The following TRAF1 variants were observed in gnomAD, a reference collection of about 807,000 sequenced individuals.
TRAF1 encodes TNF receptor associated factor 1.
Under a neutral mutation model 40.9 loss-of-function variants are expected in TRAF1, and 23 were observed. The observed-to-expected ratio is 0.56, with a 90% confidence interval of 0.40 to 0.80. TRAF1 has a LOEUF of 0.80. TRAF1 is among the 30% of genes least tolerant of loss of function. The pLI, the probability that TRAF1 is intolerant of heterozygous loss-of-function variation, is 0.00. For missense variants in TRAF1, 477 were observed against 528.7 expected, an observed-to-expected ratio of 0.90 and a Z score of 0.96; for synonymous variants, 206 against 218.8, an observed-to-expected ratio of 0.94 and a Z score of 0.52.
chr9:120,916,664 C>A (rs1384923432), intron 3 of TRAF1, among the ~76,000 whole-genome samples: 1 of 152,046 alleles, frequency 6.6e-6, no homozygotes, highest in Non-Finnish European at 1.5e-5. Context: ...AGAACACAGC[C>A]CAGCAAAGGC....
At chr9:120,906,164 T>C (rs931106787) in intron 7 of TRAF1, among the ~76,000 whole-genome samples, 1 of 146,282 alleles carries the variant, frequency 6.8e-6, no homozygotes, top group African/African-American at 2.5e-5. Context: ...TCTATAAGAA[T>C]TATGGTGTGT....
intron 7 of TRAF1, among the ~76,000 whole-genome samples, chr9:120,908,294 A>G: frequency 6.6e-6 from 1 of 152,326 alleles, no homozygotes; most frequent in Non-Finnish European, 1.5e-5. Context: ...AGAAATCTCT[A>G]TCTCACTGTT....
chr9:120,913,669 A>AC lies in TRAF1; in HGVS notation c.363dup (p.Phe122ValfsTer68). ...AGCCGGGCCTTCCACTGTTTCATGAACCCCAACAGCAGGTTTAGGTGGGAG... is the reference window on the plus strand; with the variant it reads ...AGCCGGGCCTTCCACTGTTTCATGAACCCCCAACAGCAGGTTTAGGTGGGAG... On this transcript the variant is annotated frameshift_variant, in exon 5 of 8. Transcript: ENST00000373887. LOFTEE classifies it high-confidence loss of function. 6.2e-7 allele frequency: 1 copy of AC among 1,612,262 alleles called. No homozygotes were observed. The highest frequency in any genetic ancestry group is 8.5e-7 in the Non-Finnish European group (1 of 1,178,998).
chr9:120,906,700 G>C lies in TRAF1; in HGVS notation c.1033-1462C>G, dbSNP rs116638386. On this transcript the variant is annotated intron_variant, in intron 7 of 7. Transcript: ENST00000373887. ...CAGTTTACATTGGCATTTACTCTTG[G>C]TATTTCACTTTCTATGGGTTTTGAC... is the stretch of plus-strand genomic sequence containing the variant. 8.5e-3 allele frequency among the ~76,000 whole-genome samples: 1,290 copies of C among 152,136 alleles called. 8 individuals are homozygous for C. The highest frequency in any genetic ancestry group is 0.024 in the Middle Eastern group (7 of 294).
At position 120,913,709 on chromosome 9, in the gene TRAF1, C is replaced by A; in HGVS notation, c.324G>T (p.Glu108Asp). The A allele has an allele frequency of 6.3e-7, 1 of 1,599,542 alleles. No individual in the cohort carries two copies. The highest frequency in any genetic ancestry group is 8.5e-7 in the Non-Finnish European group (1 of 1,171,370). The change falls in exon 5 of 8, where the codon GAG becomes GAT. Residue 108 changes from glutamate to aspartate, a missense_variant. Coordinates refer to ENST00000373887, the MANE Select transcript of TRAF1 (RefSeq NM_005658.5). ...TTAGGTGGGAGGTCTGGGAGGTGAC[C>A]TCATGCTCTTGCACAGACTGTGGGC... The part of the protein sequence containing the change: ...KGSPQSVQEH[E>D]VTSQTSHLNL...
At chr9:120,906,468 C>T (rs1194005266) in intron 7 of TRAF1, among the ~76,000 whole-genome samples, 1 of 152,106 alleles carries the variant, frequency 6.6e-6, no homozygotes, top group Non-Finnish European at 1.5e-5. Context: ...CGTGCGCCAC[C>T]ATACCCGGCA....
chr9:120,925,788 G>T, intron 2 of TRAF1, 148 bp downstream of exon 2: 1 of 1,156,264 alleles, frequency 8.6e-7, no homozygotes, highest in East Asian at 2.6e-5. Flanking sequence ...GGCAGTGTCA[G>T]GGAGTGTGAG....
intron 3 of TRAF1, among the ~76,000 whole-genome samples, chr9:120,923,010 TA>T (rs2046615007): frequency 6.6e-6 from 1 of 152,112 alleles, no homozygotes; most frequent in Non-Finnish European, 1.5e-5. Context: ...GGTTAGTTTT[TA>T]TATTTTTTGT....
At position 120,905,214 on chromosome 9, in the gene TRAF1, T is replaced by G. The variant is rs745699808; in HGVS notation, c.1057A>C (p.Asn353His). ...NKVTFMLLDQ[N>H]NREHAIDAFR... Reference sequence around the variant, plus strand: ...GCGTCAATGGCGTGCTCACGGTTGTTCTGGTCCAGCAGCATGAAGGTGACC... The same window carrying G: ...GCGTCAATGGCGTGCTCACGGTTGTGCTGGTCCAGCAGCATGAAGGTGACC... The change falls in exon 8 of 8, where the codon AAC becomes CAC. Residue 353 changes from asparagine (N) to histidine (H), a missense_variant. Physicochemically the swap from Asn to His is moderately conservative, Grantham distance 68 (BLOSUM62 1). Transcript: ENST00000373887. 46 of 1,612,638 alleles carry G rather than the reference T, an allele frequency of 2.9e-5. 1 individual carries two copies. In the Admixed American group the frequency reaches 7.5e-4, roughly 26 times the overall value.
At chr9:120,913,828 G>A in intron 4 of TRAF1, 90 bp from the exon 5 acceptor site, 2 of 1,406,652 alleles carry the variant, frequency 1.4e-6, no homozygotes, top group Non-Finnish European at 9.5e-7. Context: ...GGTCACCAAG[G>A]ATTATTCATT....
intron 2 of TRAF1, 119 bp from the exon 3 acceptor site, chr9:120,923,911 T>G: frequency 1.1e-6 from 1 of 923,026 alleles, no homozygotes; most frequent in Non-Finnish European, 1.7e-6. Context: ...ACGTCCACAA[T>G]CCCAGAGCCA....
chr9:120,915,923 A>T (rs1031159078), intron 3 of TRAF1, among the ~76,000 whole-genome samples: 1 of 152,264 alleles, frequency 6.6e-6, no homozygotes, highest in African/African-American at 2.4e-5. Flanking sequence ...ATTTACTTAT[A>T]AACCATACTT....
At chr9:120,905,427 C>T (rs75003889) in intron 7 of TRAF1, among the ~76,000 whole-genome samples, 189 bp from the exon 8 acceptor site, 12,522 of 152,258 alleles carry the variant, frequency 0.082, 1,192 homozygotes, top group African/African-American at 0.22. Flanking sequence ...ACCCAGGGAG[C>T]CAGCGGCACC....
intron 3 of TRAF1, among the ~76,000 whole-genome samples, chr9:120,915,268 C>A (rs1021764086): frequency 6.6e-6 from 1 of 152,196 alleles, no homozygotes; most frequent in Non-Finnish European, 1.5e-5. Flanking sequence ...TCTGTGACAG[C>A]GTATTGCCCC....
rs1356873822 is a variant in TRAF1 at position 120,913,752 on chromosome 9, G to C, written c.295-14C>G. 33 of 1,540,618 alleles carry C rather than the reference G, an allele frequency of 2.1e-5. No homozygotes were observed. Among genetic ancestry groups the C allele is most frequent in the Non-Finnish European group, 2.9e-5 (33 of 1,142,532 alleles). ...CTGTGGGCTTCCCTGACAAGAGAGT[G>C]GGGCTGATCAGTGAAAACAGAGGTG... On this transcript the variant is annotated splice_polypyrimidine_tract_variant and intron_variant, in intron 4 of 7. Coordinates refer to ENST00000373887, the MANE Select transcript of TRAF1 (RefSeq NM_005658.5).
chr9:120,905,125 A>G lies in TRAF1; in HGVS notation c.1146T>C (p.Ser382=). ...QRPQSETNVA[S]GCPLFFPLSK... is the part of the protein sequence containing the mutation. ...TGAGGGGGAAGAAGAGTGGGCATCC[A>G]CTGGCCACGTTGGTTTCACTCTGGG... The change falls in exon 8 of 8, where the codon AGT becomes AGC. Residue 382 remains serine (S), a synonymous_variant. Transcript: ENST00000373887. 1 of 1,614,260 alleles carries G rather than the reference A, an allele frequency of 6.2e-7. No individual in the cohort carries two copies. Among genetic ancestry groups the G allele is most frequent in the Non-Finnish European group, 8.5e-7 (1 of 1,180,048 alleles).
At chr9:120,909,743 A>C (rs2046511855) in intron 6 of TRAF1, among the ~76,000 whole-genome samples, 1 of 152,254 alleles carries the variant, frequency 6.6e-6, no homozygotes, top group South Asian at 2.1e-4. Context: ...TATGTTTTAC[A>C]GTCTGGAAAC....
chr9:120,915,823 G>T (rs1404666529), intron 3 of TRAF1, among the ~76,000 whole-genome samples: 1 of 151,998 alleles, frequency 6.6e-6, no homozygotes, highest in Non-Finnish European at 1.5e-5. Context: ...AGCAGAGAAA[G>T]ACCTTGTCTC....
intron 3 of TRAF1, among the ~76,000 whole-genome samples, chr9:120,922,290 C>CT (rs2046610677): frequency 6.6e-6 from 1 of 152,148 alleles, no homozygotes; most frequent in Admixed American, 6.5e-5. Flanking sequence ...AGATTGTCAT[C>CT]TTTTTAATTT....
Sources: gnomAD v4.1 joint callset for allele counts (sites outside exome capture counted in the v4.1 genomes callset) on GRCh38, gnomAD v4.1.1 for gene constraint, MANE v1.5 for transcripts, NCBI Gene and HGNC (gene_info 2026-07-23, HGNC 2026-07-21) for gene names.